TFAP2E: variants seen among roughly 807,000 people sequenced by gnomAD.
TFAP2E encodes transcription factor AP-2 epsilon, also known as transcription factor AP-2-epsilon.
A neutral mutation model predicts 37.9 loss-of-function variants in TFAP2E; 30 were observed. That is an observed-to-expected ratio of 0.79 (90% CI 0.59 to 1.07). TFAP2E has a LOEUF of 1.07. TFAP2E is among the 50% of genes least tolerant of loss of function. The pLI is 0.00. For synonymous variants in TFAP2E, 318 were observed against 295.8 expected (o/e 1.08, Z -0.77); for missense variants, 567 against 637.9 (o/e 0.89, Z 1.20).
intron 3 of TFAP2E, among the ~76,000 whole-genome samples, chr1:35,583,166 G>C (rs920455080): frequency 6.6e-6 from 1 of 152,128 alleles, no homozygotes; most frequent in Admixed American, 6.6e-5. Context: ...CTCCCAAAGT[G>C]CTGGGATTCC....
rs1378056096 is a variant in TFAP2E at position 35,574,161 on chromosome 1, G to A, written c.262G>A (p.Ala88Thr). ...HLAGDPYGGLAPLAQPQPPQA... is the reference protein window; with the variant it reads ...HLAGDPYGGLTPLAQPQPPQA... ...GGCAGGGGACCCATATGGCGGCCTGGCGCCCCTGGCGCAGCCGCAGCCTCC... is the reference window on the plus strand; with the variant it reads ...GGCAGGGGACCCATATGGCGGCCTGACGCCCCTGGCGCAGCCGCAGCCTCC... Residue 88 changes from alanine to threonine, a missense_variant, in exon 2 of 7, where the codon GCG becomes ACG. Transcript: ENST00000373235. The A allele has an allele frequency of 2.8e-6, 4 of 1,424,058 alleles. No individual in the cohort carries two copies. The African/African-American group carries it at 4.6e-5, about 16-fold the overall frequency. 88.2% of individuals were successfully genotyped at this position (1,424,058 alleles called of 1,614,324 possible). A position where few individuals can be genotyped will look rare whatever the true frequency, so the allele number is the denominator to read the frequency against.
rs2301902 is a variant in TFAP2E at position 35,574,361 on chromosome 1, T to G, written c.462T>G (p.Pro154=). The G allele has an allele frequency of 0.044, 64,086 of 1,444,820 alleles. 6,197 individuals are homozygous for G. The East Asian group carries it at 0.47, about 11-fold the overall frequency. The allele number at this position is 1,444,820 out of a possible 1,614,324, so 89.5% of individuals were successfully genotyped here. ...GCGCGCACGGCCTGGCAGACGCACC[T>G]CTCGGCCTTCCGGGGCTGGCGGCGG... is the stretch of plus-strand genomic sequence containing the variant. ...ADGAHGLADA[P]LGLPGLAAAP... Residue 154 remains proline (P), a synonymous_variant, in exon 2 of 7, where the codon CCT becomes CCG. Transcript: ENST00000373235.
chr1:35,578,445 T>G (rs557832096), intron 3 of TFAP2E, among the ~76,000 whole-genome samples: 103 of 148,010 alleles, frequency 7.0e-4, no homozygotes, highest in African/African-American at 2.5e-3. Context: ...AAAAAAAAAG[T>G]TACAAACCGT....
At chr1:35,585,351 C>A (rs994963949) in intron 3 of TFAP2E, among the ~76,000 whole-genome samples, 1 of 152,142 alleles carries the variant, frequency 6.6e-6, no homozygotes, top group Non-Finnish European at 1.5e-5. Context: ...ACAAACAAAC[C>A]AGGAGCTTTG....
In TFAP2E at chr1:35,590,150, T is replaced by C; in HGVS notation, c.904+102T>C. 1 of 1,064,822 alleles carries C rather than the reference T, an allele frequency of 9.4e-7. No individual in the cohort carries two copies. Among genetic ancestry groups the C allele is most frequent in the Non-Finnish European group, 1.4e-6 (1 of 694,820 alleles). 66.0% of individuals were successfully genotyped at this position (1,064,822 alleles called of 1,614,324 possible). The stretch of plus-strand genomic sequence containing the variant: ...AGGAGGGTGTGTTTAGTGGTGTGTG[T>C]GTATCCGTGTAAGTGTTGCAGTATC... On this transcript the variant is annotated intron_variant, in intron 5 of 6. Transcript: ENST00000373235. This position sits in a 1 kb window ranked among gnomAD's most constrained non-coding sequence, Gnocchi z 6.2.
chr1:35,573,610 T>G lies in TFAP2E; in HGVS notation c.27+6T>G. ...TGCACACCTACTCCGCCATGGTGAG[T>G]AGTCTCGGGCCCGGGACATATTCGG... On this transcript the variant is annotated splice_donor_region_variant and intron_variant, in intron 1 of 6. Transcript: ENST00000373235. This position sits in a 1 kb window ranked among gnomAD's most constrained non-coding sequence, Gnocchi z 5.9. 1.3e-6 allele frequency: 2 copies of G among 1,538,942 alleles called. No individual in the cohort carries two copies. Among genetic ancestry groups the G allele is most frequent in the South Asian group, 2.4e-5 (2 of 82,854 alleles).
chr1:35,591,045 A>G (rs1159527641), intron 6 of TFAP2E, among the ~76,000 whole-genome samples: 1 of 152,146 alleles, frequency 6.6e-6, no homozygotes, highest in Admixed American at 6.5e-5. Context: ...AGCAGTGAGC[A>G]CACACACGTA....
intron 3 of TFAP2E, among the ~76,000 whole-genome samples, chr1:35,578,438 A>T (rs1649245908): frequency 6.6e-6 from 1 of 151,886 alleles, no homozygotes; most frequent in African/African-American, 2.4e-5. Flanking sequence ...GAAAAAAAAA[A>T]AAAAAGTTAC....
At chr1:35,579,410 AT>A (rs1649281977) in intron 3 of TFAP2E, among the ~76,000 whole-genome samples, 1 of 151,602 alleles carries the variant, frequency 6.6e-6, no homozygotes, top group South Asian at 2.1e-4. Context: ...AAAAAAAAAA[AT>A]CTTTTTTTTC....
chr1:35,594,911 GA>G lies in TFAP2E; in HGVS notation c.*236del, dbSNP rs1435646104. 3.0e-5 allele frequency: 18 copies of G among 590,524 alleles called. No individual in the cohort carries two copies. Among genetic ancestry groups the G allele is most frequent in the Non-Finnish European group, 5.3e-5 (18 of 340,722 alleles). 36.6% of individuals were successfully genotyped at this position (590,524 alleles called of 1,614,324 possible). ...ATTTGTCTCATGTGTGCAATTTTCT[GA>G]CCTTTGATGGTTGAGAAGGGTTTGG... On this transcript the variant is annotated 3_prime_UTR_variant, in exon 7 of 7. Coordinates refer to ENST00000373235, the MANE Select transcript of TFAP2E (RefSeq NM_178548.4).
rs752954001 is a variant in TFAP2E, at chr1:35,590,784, G to A, written c.1046+9G>A. On this transcript the variant is annotated intron_variant, in intron 6 of 6. Coordinates refer to ENST00000373235, the MANE Select transcript of TFAP2E (RefSeq NM_178548.4). This position sits in a 1 kb window ranked among gnomAD's most constrained non-coding sequence, Gnocchi z 6.2. ...ATGCTGCTGGCTGCCAAGTGAGTGA[G>A]GGCACCCTGCACAGGCACACGTGGG... 1.7e-5 allele frequency: 25 copies of A among 1,428,872 alleles called. No homozygotes were observed. The Admixed American group carries it at 5.8e-4, about 33-fold the overall frequency. The allele number at this position is 1,428,872 out of a possible 1,614,324, so 88.5% of individuals were successfully genotyped here. A position where few individuals can be genotyped will look rare whatever the true frequency, so the allele number is the denominator to read the frequency against.
Position 35,594,913 on chromosome 1 carries a change from C to A in TFAP2E, c.*237C>A. 1.7e-6 allele frequency: 1 copy of A among 587,030 alleles called. No individual in the cohort carries two copies. The highest frequency in any genetic ancestry group is 2.3e-5 in the South Asian group (1 of 44,208). 36.4% of individuals were successfully genotyped at this position (587,030 alleles called of 1,614,324 possible). On this transcript the variant is annotated 3_prime_UTR_variant, in exon 7 of 7. Coordinates refer to ENST00000373235, the MANE Select transcript of TFAP2E (RefSeq NM_178548.4). ...TTGTCTCATGTGTGCAATTTTCTGA[C>A]CTTTGATGGTTGAGAAGGGTTTGGA...
At chr1:35,585,550 C>T (rs373756794) in intron 3 of TFAP2E, among the ~76,000 whole-genome samples, 1 of 152,110 alleles carries the variant, frequency 6.6e-6, no homozygotes, top group Admixed American at 6.5e-5. Flanking sequence ...AATTGAGATG[C>T]GCTTAAGCAT....
At chr1:35,579,084 A>G (rs1282509824) in intron 3 of TFAP2E, among the ~76,000 whole-genome samples, 1 of 135,388 alleles carries the variant, frequency 7.4e-6, no homozygotes, top group East Asian at 2.4e-4. Context: ...TATCTCAAAA[A>G]AAAAAAAAAA....
At chr1:35,587,636 C>CA (rs553131997) in intron 3 of TFAP2E, among the ~76,000 whole-genome samples, 1,041 of 50,662 alleles carry the variant, frequency 0.021, 16 homozygotes, top group Non-Finnish European at 0.029. Flanking sequence ...GACTCCATCT[C>CA]AAAAAAAAAA....
rs1304617647 is a variant in TFAP2E at position 35,594,814 on chromosome 1, T to C, written c.*138T>C. ...GAACATTCATCCAGAGATCCCAGAGTTGGGGATCTGGCTTGGAGTAAGGGA... is the reference window on the plus strand; with the variant it reads ...GAACATTCATCCAGAGATCCCAGAGCTGGGGATCTGGCTTGGAGTAAGGGA... On this transcript the variant is annotated 3_prime_UTR_variant, in exon 7 of 7. Coordinates refer to ENST00000373235, the MANE Select transcript of TFAP2E (RefSeq NM_178548.4). The C allele has an allele frequency of 3.7e-6, 5 of 1,354,328 alleles. No individual in the cohort carries two copies. The highest frequency in any genetic ancestry group is 3.0e-5 in the African/African-American group (2 of 67,618). 83.9% of individuals were successfully genotyped at this position (1,354,328 alleles called of 1,614,324 possible). A position where few individuals can be genotyped will look rare whatever the true frequency, so the allele number is the denominator to read the frequency against.
intron 3 of TFAP2E, among the ~76,000 whole-genome samples, chr1:35,587,736 G>A (rs1262552737): frequency 6.6e-6 from 1 of 152,044 alleles, no homozygotes. Context: ...GAGTGTTTGG[G>A]GAGGGGGTAT....
At position 35,594,959 on chromosome 1, in the gene TFAP2E, A is replaced by G; in HGVS notation, c.*283A>G. On this transcript the variant is annotated 3_prime_UTR_variant, in exon 7 of 7. Transcript: ENST00000373235. ...TTGGACAGAAAATTGACATGAAAAG[A>G]TCTGGCTCATGGGGCAGAGCCCTTT... is the stretch of plus-strand genomic sequence containing the variant. 1 of 478,730 alleles carries G rather than the reference A, an allele frequency of 2.1e-6. No homozygotes were observed. Among genetic ancestry groups the G allele is most frequent in the South Asian group, 2.5e-5 (1 of 40,202 alleles). The allele number at this position is 478,730 out of a possible 1,614,324, so 29.7% of individuals were successfully genotyped here.
rs1446406859 is a variant in TFAP2E, at chr1:35,594,480, G to A, written c.1133G>A (p.Gly378Glu). The A allele has an allele frequency of 1.9e-6, 3 of 1,614,086 alleles. No individual in the cohort carries two copies. Among genetic ancestry groups the A allele is most frequent in the Non-Finnish European group, 2.5e-6 (3 of 1,180,050 alleles). Residue 378 changes from glycine to glutamate, a missense_variant, in exon 7 of 7, where the codon GGA becomes GAA. Physicochemically the swap from Gly to Glu is moderately conservative, Grantham distance 98. Around this residue, in one of 3 missense-constraint regions of TFAP2E, gnomAD observed 252 missense variants for 302.6 expected, o/e 0.83. Coordinates refer to ENST00000373235, the MANE Select transcript of TFAP2E (RefSeq NM_178548.4). ...CGCCCAGCACTCATCCTGGAGCCCGGAGTACAGAGCTGCTTGACACACTTT... is the reference window on the plus strand; with the variant it reads ...CGCCCAGCACTCATCCTGGAGCCCGAAGTACAGAGCTGCTTGACACACTTT... ...NSRPALILEPGVQSCLTHFSL... is the reference protein window; with the variant it reads ...NSRPALILEPEVQSCLTHFSL...
Sources: gnomAD v4.1 joint callset for allele counts (sites outside exome capture counted in the v4.1 genomes callset) on GRCh38, gnomAD v4.1.1 for gene constraint, gnomAD v4.1.1 regional missense constraint, Gnocchi (gnomAD v3.1) non-coding constraint, MANE v1.5 for transcripts, NCBI Gene and HGNC (gene_info 2026-07-23, HGNC 2026-07-21) for gene names.